ITGB1: variants seen among roughly 807,000 people sequenced by gnomAD.
ITGB1 encodes the protein integrin subunit beta 1.
A neutral mutation model predicts 86.5 loss-of-function variants in ITGB1; 24 were observed. That is an observed-to-expected ratio of 0.28 (90% CI 0.20 to 0.39). The LOEUF is 0.39. Among genes scored for constraint, ITGB1 ranks in the 10% least tolerant of loss-of-function variants. The pLI, the probability that ITGB1 is intolerant of heterozygous loss-of-function variation, is 1.00. For synonymous variants in ITGB1, 323 were observed against 316.8 expected (o/e 1.02, Z -0.21); for missense variants, 556 against 946.9 (o/e 0.59, Z 5.42).
At chr10:32,910,531 G>T in intron 13 of ITGB1, 76 bp from the exon 14 acceptor site, 1 of 1,014,274 alleles carries the variant, frequency 9.9e-7, no homozygotes, top group South Asian at 1.7e-5. Flanking sequence ...TATTTCCCAT[G>T]CTAAACTCTT....
At chr10:32,954,011 A>G (rs1471148514) in intron 1 of ITGB1, among the ~76,000 whole-genome samples, 2 of 152,006 alleles carry the variant, frequency 1.3e-5, no homozygotes, top group East Asian at 1.9e-4. Context: ...TTGACTATTA[A>G]AAGTGTTCCC....
chr10:32,939,959 C>T (rs184893786), intron 1 of ITGB1, among the ~76,000 whole-genome samples: 2 of 152,328 alleles, frequency 1.3e-5, no homozygotes, highest in African/African-American at 4.8e-5. Context: ...GAGCTGTCAT[C>T]TCCTAAAAGA....
intron 15 of ITGB1, among the ~76,000 whole-genome samples, chr10:32,903,987 A>T (rs1428776363): frequency 6.6e-6 from 1 of 150,456 alleles, no homozygotes; most frequent in Non-Finnish European, 1.5e-5. Flanking sequence ...AATACTCAAG[A>T]ATTATAAGGG....
intron 1 of ITGB1, among the ~76,000 whole-genome samples, chr10:32,937,554 C>CAAAA (rs56280552): frequency 6.0e-4 from 55 of 91,858 alleles, no homozygotes; most frequent in African/African-American, 1.3e-3. Flanking sequence ...GACTCCGTCT[C>CAAAA]AAAAAAAAAA....
At chr10:32,933,007 ATTCT>A (rs1475457770) in intron 2 of ITGB1, among the ~76,000 whole-genome samples, 1 of 152,158 alleles carries the variant, frequency 6.6e-6, no homozygotes, top group African/African-American at 2.4e-5. Context: ...GGTCATACTT[ATTCT>A]TTCTATTTTT....
rs984532327 is a variant in ITGB1 at position 32,911,684 on chromosome 10, T to C, written c.1709-14A>G. On this transcript the variant is annotated splice_polypyrimidine_tract_variant and intron_variant, in intron 12 of 15. Transcript: ENST00000302278. ...AAACACCATTTCCTGCAATTAAGCA[T>C]ATCATTTCTCAAAATGGTAAAAATA... The C allele has an allele frequency of 2.5e-6, 4 of 1,611,208 alleles. No individual in the cohort carries two copies. The highest frequency in any genetic ancestry group is 1.3e-5 in the African/African-American group (1 of 74,886).
chr10:32,901,515 G>GACT lies in ITGB1; in HGVS notation c.*52_*54dup, dbSNP rs1194570889. 8.8e-7 allele frequency: 1 copy of GACT among 1,136,634 alleles called. No individual in the cohort carries two copies. Among genetic ancestry groups the GACT allele is most frequent in the East Asian group, 2.4e-5 (1 of 41,718 alleles). 70.4% of individuals were successfully genotyped at this position (1,136,634 alleles called of 1,614,324 possible). On this transcript the variant is annotated 3_prime_UTR_variant, in exon 16 of 16. Coordinates refer to ENST00000302278, the MANE Select transcript of ITGB1 (RefSeq NM_002211.4). ...TATTGCCCTAAAGCTACCTAACTGT[G>GACT]ACTATGGAAATTGCTACTTTGCATT...
intron 1 of ITGB1, among the ~76,000 whole-genome samples, chr10:32,936,520 A>G (rs906174504): frequency 6.6e-6 from 1 of 151,296 alleles, no homozygotes; most frequent in East Asian, 1.9e-4. Context: ...CAGACCCCCC[A>G]CCTCTCCCCC....
chr10:32,937,578 A>AAG (rs2095006876), intron 1 of ITGB1, among the ~76,000 whole-genome samples: 5 of 146,336 alleles, frequency 3.4e-5, no homozygotes, highest in African/African-American at 1.3e-4. Context: ...AAAAAAAAAA[A>AAG]GAGTTACAAA....
intron 15 of ITGB1, among the ~76,000 whole-genome samples, chr10:32,905,735 T>C (rs2094894394): frequency 6.6e-6 from 1 of 152,190 alleles, no homozygotes; most frequent in Non-Finnish European, 1.5e-5. Context: ...TAAACACAGA[T>C]TAAGTGGTCA....
At chr10:32,933,633 TGA>T (rs1378635776) in intron 2 of ITGB1, 1 of 152,164 alleles carries the variant, frequency 6.6e-6, no homozygotes, top group Admixed American at 6.5e-5. Flanking sequence ...ATCTGTTAAC[TGA>T]GAGAGGACTG....
At chr10:32,902,999 A>G (rs1408782401) in intron 15 of ITGB1, among the ~76,000 whole-genome samples, 2 of 152,184 alleles carry the variant, frequency 1.3e-5, no homozygotes, top group Non-Finnish European at 2.9e-5. Context: ...ATGCAAAGTC[A>G]AGGTGTAGGG....
At chr10:32,943,138 A>G (rs2095022922) in intron 1 of ITGB1, among the ~76,000 whole-genome samples, 1 of 152,230 alleles carries the variant, frequency 6.6e-6, no homozygotes, top group South Asian at 2.1e-4. Flanking sequence ...CTAAACAGAA[A>G]AGTGTTACTA....
intron 2 of ITGB1, chr10:32,932,825 T>C (rs1186821422): frequency 7.8e-6 from 3 of 386,340 alleles, no homozygotes; most frequent in Non-Finnish European, 1.4e-5. Context: ...ATGAGATATT[T>C]TGATACAGGC....
chr10:32,956,762 G>A (rs927418996), intron 1 of ITGB1, among the ~76,000 whole-genome samples: 32 of 152,094 alleles, frequency 2.1e-4, no homozygotes, highest in African/African-American at 7.2e-4. Flanking sequence ...GTGGCATGTT[G>A]GCCCAAAGAA....
chr10:32,954,824 C>T (rs1481517066), intron 1 of ITGB1, among the ~76,000 whole-genome samples: 2 of 152,188 alleles, frequency 1.3e-5, no homozygotes, highest in Admixed American at 6.5e-5. Flanking sequence ...TATGCACACG[C>T]TTAAGCATAT....
At chr10:32,940,733 C>G (rs1334884273) in intron 1 of ITGB1, among the ~76,000 whole-genome samples, 2 of 152,222 alleles carry the variant, frequency 1.3e-5, no homozygotes, top group African/African-American at 4.8e-5. Context: ...TCGTTCATCA[C>G]TCATTCATTC....
intron 15 of ITGB1, among the ~76,000 whole-genome samples, chr10:32,907,613 C>T (rs993051275): frequency 2.0e-5 from 3 of 152,044 alleles, no homozygotes; most frequent in Non-Finnish European, 4.4e-5. Context: ...TCCCTTACGC[C>T]CCTCTGTGGT....
chr10:32,927,347 G>T (rs1229686369), intron 5 of ITGB1, among the ~76,000 whole-genome samples: 1 of 152,036 alleles, frequency 6.6e-6, no homozygotes, highest in Non-Finnish European at 1.5e-5. Flanking sequence ...GTTAAGCTGG[G>T]GATGCATGAA....
Sources: allele counts gnomAD v4.1 joint callset (sites outside exome capture counted in the v4.1 genomes callset), GRCh38; gene constraint gnomAD v4.1.1; transcripts MANE v1.5; gene names NCBI Gene and HGNC (gene_info 2026-07-23, HGNC 2026-07-21).